The following TMEM87A variants were observed in gnomAD, a reference collection of about 807,000 sequenced individuals.
TMEM87A encodes transmembrane protein 87A.
In TMEM87A, 50 loss-of-function variants were observed where a neutral mutation model predicts 90.0. The observed-to-expected ratio is 0.56, with a 90% CI of 0.44 to 0.70. The LOEUF (loss-of-function observed/expected upper bound fraction) is 0.70, where lower values mean the gene tolerates loss of function less well. Ranked by LOEUF, TMEM87A falls within the 30% of genes least tolerant of loss-of-function variation. The probability of loss-of-function intolerance (pLI) is 0.00; values close to 1 mark genes in which losing one functional copy is unlikely to be tolerated. For synonymous variants in TMEM87A, 226 were observed against 226.7 expected (o/e 1.00, Z 0.03); for missense variants, 577 against 660.5 (o/e 0.87, Z 1.39).
At chr15:42,266,916 C>G (rs555938527) in intron 3 of TMEM87A, among the ~76,000 whole-genome samples, 1 of 152,252 alleles carries the variant, frequency 6.6e-6, no homozygotes, top group Non-Finnish European at 1.5e-5. Context: ...GAAAGAATGA[C>G]TGAAAAACTA....
chr15:42,258,400 T>C (rs914888656), intron 6 of TMEM87A: 9 of 664,098 alleles, frequency 1.4e-5, no homozygotes, highest in African/African-American at 1.2e-4. Flanking sequence ...AATATATACC[T>C]ATTAGTAAGA....
rs867935532 is a variant in TMEM87A, at chr15:42,230,567, A to G, written c.1131+625T>C. 3.3e-5 allele frequency among the ~76,000 whole-genome samples: 5 copies of G among 152,356 alleles called. No homozygotes were observed. The South Asian group carries it at 1.0e-3, about 32-fold the overall frequency. On this transcript the variant is annotated intron_variant, in intron 12 of 19. Coordinates refer to ENST00000389834, the MANE Select transcript of TMEM87A (RefSeq NM_015497.5). ...AATTTAATTTTAAAGAGCAGGAGAA[A>G]AAGATTGCTCAAATAGAAGCTTGTT...
intron 15 of TMEM87A, among the ~76,000 whole-genome samples, chr15:42,223,004 A>G (rs1284786259): frequency 1.3e-5 from 2 of 152,256 alleles, no homozygotes; most frequent in Admixed American, 6.5e-5. Flanking sequence ...TGTATGATTA[A>G]AAACAGCATA....
At chr15:42,258,943 A>G (rs1273097621) in intron 6 of TMEM87A, 7 of 1,124,244 alleles carry the variant, frequency 6.2e-6, no homozygotes, top group East Asian at 2.6e-5. Context: ...AAATTATTAA[A>G]GTCTTTCAAC....
rs1595702562 is a variant in TMEM87A at position 42,215,994 on chromosome 15, T to C, written c.1626+1809A>G. Among the ~76,000 whole-genome samples, 2 of 152,204 alleles carry C rather than the reference T, an allele frequency of 1.3e-5. 1 individual carries two copies. Among genetic ancestry groups the C allele is most frequent in the South Asian group, 4.1e-4 (2 of 4,828 alleles). On this transcript the variant is annotated intron_variant, in intron 19 of 19. Transcript: ENST00000389834. ...AGGTATGGAAATAACCCGTGTCCAC[T>C]GACAGATAAATGGATGAAGATAACA...
intron 8 of TMEM87A, among the ~76,000 whole-genome samples, chr15:42,238,003 ATATGTGTGTGTG>A (rs1227203821): frequency 6.1e-4 from 92 of 150,822 alleles, no homozygotes; most frequent in East Asian, 4.5e-3. Context: ...GTATATATAT[ATATGTGTGTGTG>A]TGTGTGTGTG....
intron 6 of TMEM87A, among the ~76,000 whole-genome samples, chr15:42,253,272 G>C (rs1479678986): frequency 6.6e-6 from 1 of 152,178 alleles, no homozygotes; most frequent in Non-Finnish European, 1.5e-5. Flanking sequence ...GTCCAGTCTT[G>C]AGAATATATA....
intron 15 of TMEM87A, among the ~76,000 whole-genome samples, chr15:42,222,489 G>A (rs2050510377): frequency 6.6e-6 from 1 of 152,142 alleles, no homozygotes; most frequent in Non-Finnish European, 1.5e-5. Flanking sequence ...TGCTACTGAT[G>A]CAGGAGCAGA....
At chr15:42,218,290 T>C in intron 18 of TMEM87A, 33 bp downstream of exon 18, 2 of 1,608,670 alleles carry the variant, frequency 1.2e-6, no homozygotes, top group Non-Finnish European at 1.7e-6. Context: ...AACTTTGAAA[T>C]AGGATTCTTG....
chr15:42,261,320 A>G, intron 4 of TMEM87A, 71 bp from the exon 5 acceptor site: 1 of 1,364,086 alleles, frequency 7.3e-7, no homozygotes, highest in Non-Finnish European at 1.0e-6. Context: ...CTCAAAATAC[A>G]AAGAAATGGT....
intron 6 of TMEM87A, chr15:42,258,488 G>A (rs192284837): frequency 2.8e-5 from 12 of 423,710 alleles, no homozygotes; most frequent in Admixed American, 1.9e-4. Context: ...GTGCAGTAGC[G>A]TGATCTCAGC....
chr15:42,250,799 G>T (rs1164566570), intron 6 of TMEM87A, among the ~76,000 whole-genome samples: 1 of 152,062 alleles, frequency 6.6e-6, no homozygotes, highest in African/African-American at 2.4e-5. Flanking sequence ...TGCTAGGTGG[G>T]GGAAGTTCTC....
chr15:42,231,984 T>C, intron 11 of TMEM87A: 1 of 869,382 alleles, frequency 1.2e-6, no homozygotes, highest in Non-Finnish European at 1.6e-6. Flanking sequence ...TCTAAGAGAA[T>C]TACATACAGA....
intron 6 of TMEM87A, among the ~76,000 whole-genome samples, chr15:42,253,271 T>C (rs910880524): frequency 2.0e-5 from 3 of 152,198 alleles, no homozygotes; most frequent in Admixed American, 1.3e-4. Context: ...TGTCCAGTCT[T>C]GAGAATATAT....
rs546908694 is a variant in TMEM87A at position 42,247,143 on chromosome 15, A to AT, written c.505-2977dup. Among the ~76,000 whole-genome samples, 708 of 151,602 alleles carry AT rather than the reference A, an allele frequency of 4.7e-3. 2 individuals are homozygous for AT. Among genetic ancestry groups the AT allele is most frequent in the African/African-American group, 0.016 (678 of 41,410 alleles). ...CTTTGTCCACTTTTTGATGGGGTTGATTTTTTCTTGTAAATTTGTTTAAGT... is the reference window on the plus strand; with the variant it reads ...CTTTGTCCACTTTTTGATGGGGTTGATTTTTTTCTTGTAAATTTGTTTAAGT... On this transcript the variant is annotated intron_variant, in intron 6 of 19. Transcript: ENST00000389834.
At chr15:42,269,740 T>A (rs567134135) in intron 2 of TMEM87A, among the ~76,000 whole-genome samples, 3 of 150,204 alleles carry the variant, frequency 2.0e-5, no homozygotes, top group Admixed American at 6.6e-5. Flanking sequence ...ATCGAGACCA[T>A]CCTGGCTAAC....
chr15:42,238,504 A>C (rs1426895898), intron 8 of TMEM87A, among the ~76,000 whole-genome samples: 1 of 152,046 alleles, frequency 6.6e-6, no homozygotes, highest in African/African-American at 2.4e-5. Context: ...CAGGAGCTGG[A>C]GGTTGCATTG....
intron 6 of TMEM87A, among the ~76,000 whole-genome samples, chr15:42,253,549 C>G (rs1276488540): frequency 6.6e-6 from 1 of 152,150 alleles, no homozygotes; most frequent in African/African-American, 2.4e-5. Context: ...AGCCTCCAGG[C>G]AGGTGAAAAC....
intron 6 of TMEM87A, among the ~76,000 whole-genome samples, chr15:42,246,563 G>C (rs182182241): frequency 2.0e-5 from 3 of 151,938 alleles, no homozygotes; most frequent in East Asian, 3.9e-4. Flanking sequence ...TTCTGTCCTC[G>C]AGAGTTTGCT....
Sources: allele counts gnomAD v4.1 joint callset (sites outside exome capture counted in the v4.1 genomes callset), GRCh38; gene constraint gnomAD v4.1.1; transcripts MANE v1.5; gene names NCBI Gene and HGNC (gene_info 2026-07-23, HGNC 2026-07-21).